Variants in RXFP1 observed in about 807,000 individuals in gnomAD.
The protein encoded by RXFP1 is relaxin receptor 1.
A neutral mutation model predicts 89.8 loss-of-function variants in RXFP1; 73 were observed. The ratio of observed to expected loss-of-function variants is 0.81; its 90% CI spans 0.67 to 0.99. The LOEUF is 0.99. Ranked by LOEUF, RXFP1 falls within the 50% of genes least tolerant of loss-of-function variation. The pLI, the probability that RXFP1 is intolerant of heterozygous loss-of-function variation, is 0.00. For missense variants in RXFP1, 793 were observed against 895.5 expected (o/e 0.89, Z 1.46); for synonymous variants, 277 against 305.5 (o/e 0.91, Z 0.97).
chr4:158,635,029 G>T (rs1768872646), intron 12 of RXFP1, among the ~76,000 whole-genome samples: 1 of 151,620 alleles, frequency 6.6e-6, no homozygotes, highest in Non-Finnish European at 1.5e-5. Flanking sequence ...TTTTCCATAT[G>T]AATTTTAGGA....
intron 9 of RXFP1, among the ~76,000 whole-genome samples, chr4:158,623,978 AT>A (rs907024667): frequency 3.3e-5 from 5 of 151,468 alleles, no homozygotes; most frequent in Non-Finnish European, 5.9e-5. Context: ...CCAACTCTAG[AT>A]TTTTTTTTCC....
chr4:158,592,711 T>C (rs1410914102), intron 2 of RXFP1, among the ~76,000 whole-genome samples: 1 of 152,146 alleles, frequency 6.6e-6, no homozygotes, highest in Non-Finnish European at 1.5e-5. Context: ...CTAAGAACAG[T>C]GTGCCATATT....
At chr4:158,650,400 T>C (rs1039202536) in intron 17 of RXFP1, among the ~76,000 whole-genome samples, 14 of 149,894 alleles carry the variant, frequency 9.3e-5, no homozygotes, top group Non-Finnish European at 1.9e-4. Flanking sequence ...TTTACCACAA[T>C]GAAAATGCAT....
Position 158,594,772 on chromosome 4 carries a change from T to C in RXFP1, c.286+1273T>C, listed in dbSNP as rs568709313. Among the ~76,000 whole-genome samples the C allele has an allele frequency of 3.0e-3, 453 of 152,278 alleles. 2 individuals are homozygous for C. Among genetic ancestry groups the C allele is most frequent in the African/African-American group, 0.011 (440 of 41,574 alleles). On this transcript the variant is annotated intron_variant, in intron 3 of 17. Coordinates refer to ENST00000307765, the MANE Select transcript of RXFP1 (RefSeq NM_021634.4). ...TAATTTTTCTTATAGCTAAAACTTTTAGTTTTTTAGCTAACAATAAAAACA... is the reference window on the plus strand; with the variant it reads ...TAATTTTTCTTATAGCTAAAACTTTCAGTTTTTTAGCTAACAATAAAAACA...
intron 1 of RXFP1, among the ~76,000 whole-genome samples, chr4:158,531,638 T>A (rs927714842): frequency 1.3e-5 from 2 of 152,194 alleles, no homozygotes; most frequent in African/African-American, 4.8e-5. Flanking sequence ...GGAAATGTTA[T>A]AAACTACTAC....
At chr4:158,581,363 C>G (rs1419063135) in intron 2 of RXFP1, among the ~76,000 whole-genome samples, 1 of 152,044 alleles carries the variant, frequency 6.6e-6, no homozygotes, top group Non-Finnish European at 1.5e-5. Flanking sequence ...GAATTCATAC[C>G]AAATGCTTGG....
At chr4:158,538,011 G>A (rs540107930) in intron 1 of RXFP1, among the ~76,000 whole-genome samples, 11 of 152,292 alleles carry the variant, frequency 7.2e-5, no homozygotes, top group South Asian at 6.2e-4. Flanking sequence ...AGGTGGAACA[G>A]CCAACTCAAG....
At chr4:158,542,079 C>CTATATATATATA (rs1553993932) in intron 1 of RXFP1, among the ~76,000 whole-genome samples, 2 of 29,828 alleles carry the variant, frequency 6.7e-5, no homozygotes, top group African/African-American at 1.9e-4. Flanking sequence ...GCCACCATGG[C>CTATATATATATA]TATATATATA....
chr4:158,652,708 C>A lies in RXFP1; in HGVS notation c.*653C>A, dbSNP rs1384189333. 6.6e-6 allele frequency: 1 copy of A among 152,174 alleles called. No individual in the cohort carries two copies. The highest frequency in any genetic ancestry group is 1.5e-5 in the Non-Finnish European group (1 of 68,048). The allele number at this position is 152,174 out of a possible 1,614,324, so 9.4% of individuals were successfully genotyped here. A position where few individuals can be genotyped will look rare whatever the true frequency, so the allele number is the denominator to read the frequency against. ...ACAGCACTTCTTTTGGCACTTCCTG[C>A]CCAGTTTTCTCTTTGCTTTAAATGA... On this transcript the variant is annotated 3_prime_UTR_variant, in exon 18 of 18. Transcript: ENST00000307765.
At chr4:158,651,212 G>C (rs952750200) in intron 17 of RXFP1, among the ~76,000 whole-genome samples, 9 of 152,110 alleles carry the variant, frequency 5.9e-5, no homozygotes, top group Non-Finnish European at 1.3e-4. Flanking sequence ...ATATATATTA[G>C]AGTGATTTTT....
intron 1 of RXFP1, among the ~76,000 whole-genome samples, chr4:158,547,544 G>C (rs913594089): frequency 6.6e-6 from 1 of 150,780 alleles, no homozygotes. Context: ...GTGACGTTAG[G>C]GTGTCAATTT....
At chr4:158,617,929 TAG>T (rs1415991140) in intron 9 of RXFP1, among the ~76,000 whole-genome samples, 2 of 152,102 alleles carry the variant, frequency 1.3e-5, no homozygotes, top group Non-Finnish European at 2.9e-5. Flanking sequence ...GAGGAAAAGT[TAG>T]AGTCAGAAGC....
At chr4:158,646,745 G>C (rs766620176) in intron 15 of RXFP1, 46 bp from the exon 16 acceptor site, 1 of 1,499,018 alleles carries the variant, frequency 6.7e-7, no homozygotes, top group East Asian at 2.3e-5. Flanking sequence ...ATGATTTTAT[G>C]ATACCTATTT....
intron 14 of RXFP1, among the ~76,000 whole-genome samples, chr4:158,642,205 G>C (rs961611127): frequency 1.3e-5 from 2 of 151,740 alleles, no homozygotes; most frequent in African/African-American, 4.8e-5. Flanking sequence ...GGGGTACATA[G>C]TGATGTTTTG....
intron 9 of RXFP1, among the ~76,000 whole-genome samples, chr4:158,622,349 T>C (rs769385728): frequency 6.6e-6 from 1 of 152,048 alleles, no homozygotes; most frequent in South Asian, 2.1e-4. Context: ...TACCATATGA[T>C]CCAGCAGTCC....
intron 1 of RXFP1, among the ~76,000 whole-genome samples, chr4:158,559,729 G>A (rs1274729281): frequency 6.6e-6 from 1 of 152,156 alleles, no homozygotes; most frequent in Non-Finnish European, 1.5e-5. Flanking sequence ...ATTCTTCATA[G>A]AATTGCAGTT....
chr4:158,538,018 C>G (rs946811252), intron 1 of RXFP1, among the ~76,000 whole-genome samples: 2 of 152,150 alleles, frequency 1.3e-5, no homozygotes, highest in Admixed American at 1.3e-4. Flanking sequence ...ACAGCCAACT[C>G]AAGACTCTAA....
intron 4 of RXFP1, among the ~76,000 whole-genome samples, chr4:158,604,170 C>G (rs879881856): frequency 3.3e-5 from 5 of 151,908 alleles, no homozygotes; most frequent in Admixed American, 3.3e-4. Context: ...ATTGTTAGTG[C>G]TTATTGTATA....
intron 1 of RXFP1, among the ~76,000 whole-genome samples, chr4:158,522,668 A>G (rs1467990874): frequency 6.6e-6 from 1 of 152,184 alleles, no homozygotes; most frequent in Non-Finnish European, 1.5e-5. Flanking sequence ...AATTCAAGGG[A>G]AACAGTTGTT....
Sources: allele counts gnomAD v4.1 joint callset (sites outside exome capture counted in the v4.1 genomes callset), GRCh38; gene constraint gnomAD v4.1.1; transcripts MANE v1.5; gene names NCBI Gene and HGNC (gene_info 2026-07-23, HGNC 2026-07-21).